The following MSH3 variants were observed in gnomAD, a reference collection of about 807,000 sequenced individuals.
MSH3 encodes mutS homolog 3.
MSH3 carries 106 observed loss-of-function variants against 123.3 expected under a neutral mutation model. The ratio of observed to expected loss-of-function variants is 0.86; its 90% CI spans 0.73 to 1.01. The LOEUF is 1.01. Ranked by LOEUF, MSH3 falls within the 50% of genes least tolerant of loss-of-function variation. The pLI, the probability that MSH3 is intolerant of heterozygous loss-of-function variation, is 0.00. For synonymous variants in MSH3, 515 were observed against 481.4 expected (o/e 1.07, Z -0.91); for missense variants, 1,459 against 1,347.6 (o/e 1.08, Z -1.29).
intron 20 of MSH3, among the ~76,000 whole-genome samples, chr5:80,821,650 C>A (rs1745206862): frequency 6.6e-6 from 1 of 152,218 alleles, no homozygotes; most frequent in Non-Finnish European, 1.5e-5. Flanking sequence ...AGTTTATCAA[C>A]CTTCAGGTCA....
intron 18 of MSH3, among the ~76,000 whole-genome samples, chr5:80,788,475 T>C (rs193019518): frequency 6.6e-6 from 1 of 151,946 alleles, no homozygotes; most frequent in Non-Finnish European, 1.5e-5. Context: ...AAAACTTTCA[T>C]ACAAGTTGTA....
intron 8 of MSH3, among the ~76,000 whole-genome samples, chr5:80,693,626 C>A (rs1231848061): frequency 2.6e-5 from 1 of 39,178 alleles, no homozygotes; most frequent in Non-Finnish European, 5.3e-5. Flanking sequence ...CACACATATA[C>A]ACACACACAC....
intron 10 of MSH3, among the ~76,000 whole-genome samples, chr5:80,732,586 A>G (rs760413492): frequency 6.6e-6 from 1 of 152,190 alleles, no homozygotes; most frequent in Non-Finnish European, 1.5e-5. Flanking sequence ...CCAAACAAAT[A>G]TATTACAGGA....
chr5:80,769,065 A>G (rs1269172627), intron 15 of MSH3, 62 bp downstream of exon 15: 319 of 1,437,230 alleles, frequency 2.2e-4, no homozygotes, highest in Non-Finnish European at 3.0e-4. Context: ...CTATTTTAAA[A>G]TGTAAATAGA....
chr5:80,759,200 T>A (rs998206141), intron 12 of MSH3, among the ~76,000 whole-genome samples: 11 of 152,298 alleles, frequency 7.2e-5, no homozygotes, highest in African/African-American at 2.6e-4. Flanking sequence ...ATTTATAGTC[T>A]TGTAGGAAAG....
intron 15 of MSH3, among the ~76,000 whole-genome samples, chr5:80,771,405 C>G (rs923825069): frequency 4.0e-4 from 61 of 151,172 alleles, no homozygotes; most frequent in African/African-American, 1.5e-3. Flanking sequence ...TTGAGCCTGA[C>G]AGGCTGAAGT....
intron 12 of MSH3, among the ~76,000 whole-genome samples, chr5:80,753,740 G>A (rs1456432938): frequency 2.0e-5 from 3 of 151,968 alleles, no homozygotes; most frequent in African/African-American, 4.8e-5. Flanking sequence ...GGGGTGGGGT[G>A]AGACTCTCAT....
At chr5:80,746,481 A>G in intron 12 of MSH3, 1 of 502,356 alleles carries the variant, frequency 2.0e-6, no homozygotes, top group Non-Finnish European at 4.0e-6. Flanking sequence ...GTGTAACATC[A>G]AGCAAACCTT....
chr5:80,819,174 T>C (rs1745157130), intron 20 of MSH3, among the ~76,000 whole-genome samples: 1 of 152,036 alleles, frequency 6.6e-6, no homozygotes, highest in Non-Finnish European at 1.5e-5. Context: ...GAGGTGGAGT[T>C]ATGCAATAAG....
intron 20 of MSH3, among the ~76,000 whole-genome samples, chr5:80,832,931 G>A (rs995541629): frequency 2.0e-5 from 3 of 152,090 alleles, no homozygotes; most frequent in Admixed American, 2.0e-4. Flanking sequence ...CAGAGATTGT[G>A]ATTTGAAGGG....
chr5:80,849,977 C>T (rs1032967322), intron 20 of MSH3, among the ~76,000 whole-genome samples: 5 of 152,152 alleles, frequency 3.3e-5, no homozygotes, highest in Admixed American at 3.3e-4. Flanking sequence ...CCTTTAACAG[C>T]ACCCAAGTCA....
chr5:80,874,880 G>A (rs1048309861), intron 23 of MSH3, among the ~76,000 whole-genome samples: 3 of 152,192 alleles, frequency 2.0e-5, no homozygotes, highest in Admixed American at 6.5e-5. Context: ...AGAATTATTA[G>A]AAGACATTGC....
chr5:80,686,935 T>G (rs1258631843), intron 8 of MSH3, among the ~76,000 whole-genome samples: 2 of 152,182 alleles, frequency 1.3e-5, no homozygotes. Flanking sequence ...ATATTAGGGT[T>G]TTTGGTATTC....
At chr5:80,688,476 T>G (rs1477452437) in intron 8 of MSH3, among the ~76,000 whole-genome samples, 1 of 152,218 alleles carries the variant, frequency 6.6e-6, no homozygotes, top group African/African-American at 2.4e-5. Flanking sequence ...GTGTTTGAAA[T>G]TACCATAGTA....
chr5:80,777,499 C>T (rs770624991), intron 16 of MSH3, among the ~76,000 whole-genome samples: 4 of 152,010 alleles, frequency 2.6e-5, no homozygotes, highest in Non-Finnish European at 4.4e-5. Context: ...TGAGTTTTTC[C>T]AGAAGATAAA....
At chr5:80,826,099 G>T (rs1047571099) in intron 20 of MSH3, among the ~76,000 whole-genome samples, 2 of 152,174 alleles carry the variant, frequency 1.3e-5, no homozygotes, top group African/African-American at 4.8e-5. Flanking sequence ...GTCATTCTTA[G>T]AACAGCTGCA....
At chr5:80,663,396 T>C (rs954274379) in intron 2 of MSH3, among the ~76,000 whole-genome samples, 4 of 152,182 alleles carry the variant, frequency 2.6e-5, no homozygotes, top group Non-Finnish European at 5.9e-5. Context: ...AGCAATGATA[T>C]GTGCTCTCAG....
chr5:80,656,809 T>C (rs1188243206), intron 2 of MSH3, among the ~76,000 whole-genome samples: 3 of 152,130 alleles, frequency 2.0e-5, no homozygotes, highest in Non-Finnish European at 4.4e-5. Flanking sequence ...TAAAACATTC[T>C]TGCTACAGAA....
At chr5:80,760,051 C>T (rs1744005008) in intron 12 of MSH3, among the ~76,000 whole-genome samples, 1 of 152,170 alleles carries the variant, frequency 6.6e-6, no homozygotes, top group African/African-American at 2.4e-5. Context: ...CGAAAGTCCT[C>T]AGTCTGATTG....
Sources: gnomAD v4.1 joint callset for allele counts (sites outside exome capture counted in the v4.1 genomes callset) on GRCh38, gnomAD v4.1.1 for gene constraint, MANE v1.5 for transcripts, NCBI Gene and HGNC (gene_info 2026-07-23, HGNC 2026-07-21) for gene names.